The following DNAH14 variants were observed in gnomAD, a reference collection of about 807,000 sequenced individuals.
DNAH14 encodes the protein dynein axonemal heavy chain 14.
DNAH14 carries 478 observed loss-of-function variants against 520.9 expected under a neutral mutation model. The ratio of observed to expected loss-of-function variants is 0.92; its 90% CI spans 0.85 to 0.99. The LOEUF (loss-of-function observed/expected upper bound fraction) is 0.99. DNAH14 is among the 50% of genes least tolerant of loss of function. The probability of loss-of-function intolerance (pLI) is 0.00; values close to 1 mark genes in which losing one functional copy is unlikely to be tolerated. For synonymous variants in DNAH14, 1,581 were observed against 1,757.2 expected, an observed-to-expected ratio of 0.90 and a Z score of 2.51; for missense variants, 4,831 against 5,234.5, an observed-to-expected ratio of 0.92 and a Z score of 2.38.
At chr1:225,132,924 C>T (rs1402820263) in intron 27 of DNAH14, among the ~76,000 whole-genome samples, 4 of 152,032 alleles carry the variant, frequency 2.6e-5, no homozygotes, top group Admixed American at 6.6e-5. Flanking sequence ...TTCTGATTAG[C>T]GTGAGATGGT....
At chr1:225,095,850 A>T (rs2074917199) in intron 21 of DNAH14, among the ~76,000 whole-genome samples, 1 of 152,202 alleles carries the variant, frequency 6.6e-6, no homozygotes, top group African/African-American at 2.4e-5. Flanking sequence ...GATAGGAGGA[A>T]GTAATTCCAA....
At chr1:225,087,780 T>C (rs1362727791) in intron 21 of DNAH14, among the ~76,000 whole-genome samples, 1 of 152,180 alleles carries the variant, frequency 6.6e-6, no homozygotes, top group African/African-American at 2.4e-5. Flanking sequence ...CATAGATTTG[T>C]GGCAGGCCCC....
At chr1:225,375,966 T>C (rs1232391418) in intron 78 of DNAH14, among the ~76,000 whole-genome samples, 1 of 151,530 alleles carries the variant, frequency 6.6e-6, no homozygotes, top group Non-Finnish European at 1.5e-5. Flanking sequence ...TGTGCACTTG[T>C]AGTCCCAGCT....
In DNAH14 at chr1:225,240,594, G is replaced by T. The variant is rs527781122; in HGVS notation, c.6520G>T (p.Asp2174Tyr). 3.9e-6 allele frequency: 6 copies of T among 1,531,362 alleles called. No homozygotes were observed. Among genetic ancestry groups the T allele is most frequent in the South Asian group, 2.4e-5 (2 of 83,334 alleles). 94.9% of individuals were successfully genotyped at this position (1,531,362 alleles called of 1,614,324 possible). The change falls in exon 43 of 86, where the codon GAT becomes TAT. Residue 2174 changes from aspartate (D) to tyrosine (Y), a missense_variant and splice_region_variant. By Grantham distance (160) the Asp-to-Tyr change is radical. Coordinates refer to ENST00000682510, the MANE Select transcript of DNAH14 (RefSeq NM_001367479.1). ...TCCTTCCATACCTGTCTACCCCAGG[G>T]ATGAAAATACATGGTATCCAGAGAA... ...SVTFKDIEKR[D>Y]ENTWYPEKNP...
intron 43 of DNAH14, among the ~76,000 whole-genome samples, chr1:225,251,237 G>C (rs2092538307): frequency 6.6e-6 from 1 of 151,018 alleles, no homozygotes; most frequent in African/African-American, 2.4e-5. Flanking sequence ...GCAATAGCGT[G>C]ATCTCAGCTC....
intron 55 of DNAH14, among the ~76,000 whole-genome samples, chr1:225,298,708 C>A (rs2094070037): frequency 6.6e-6 from 1 of 152,098 alleles, no homozygotes; most frequent in African/African-American, 2.4e-5. Context: ...TGGCTCACAG[C>A]AGGAGTGAGG....
At chr1:225,398,840 T>C (rs1309883547) in intron 85 of DNAH14, among the ~76,000 whole-genome samples, 174 bp downstream of exon 85, 1 of 152,226 alleles carries the variant, frequency 6.6e-6, no homozygotes, top group Non-Finnish European at 1.5e-5. Context: ...GTAGATGCTA[T>C]ACTTACATCC....
At chr1:224,984,824 TC>T (rs1483500664) in intron 8 of DNAH14, among the ~76,000 whole-genome samples, 1 of 151,812 alleles carries the variant, frequency 6.6e-6, no homozygotes, top group Non-Finnish European at 1.5e-5. Context: ...AATAGAAAAT[TC>T]TCAAAATAAG....
Position 225,050,325 on chromosome 1 carries a change from A to C in DNAH14, c.2028A>C (p.Arg676Ser). The change falls in exon 16 of 86, where the codon AGA (arginine) becomes AGC (serine). Residue 676 changes from arginine to serine, a missense_variant. Arg to Ser is a moderately radical substitution (Grantham distance 110). Transcript: ENST00000682510. ...GSIIHYKEQT[R>S]WPDCHILFET... ...TAATACATTATAAAGAGCAGACCAG[A>C]TGGCCAGATTGTCACATCCTTTTTG... The C allele has an allele frequency of 6.5e-7, 1 of 1,547,794 alleles. No homozygotes were observed. The highest frequency in any genetic ancestry group is 8.7e-7 in the Non-Finnish European group (1 of 1,145,770).
At chr1:224,982,107 G>T (rs762482892) in intron 8 of DNAH14, among the ~76,000 whole-genome samples, 2 of 152,028 alleles carry the variant, frequency 1.3e-5, no homozygotes, top group Non-Finnish European at 2.9e-5. Context: ...TAGGGATATT[G>T]CCCCCTACTG....
rs1337154932 is a variant in DNAH14 at position 225,145,379 on chromosome 1, G to A, written c.4794G>A (p.Lys1598=). 5.2e-6 allele frequency: 8 copies of A among 1,543,790 alleles called. No homozygotes were observed. Among genetic ancestry groups the A allele is most frequent in the Non-Finnish European group, 7.0e-6 (8 of 1,143,456 alleles). Residue 1598 remains lysine (K), a splice_region_variant and synonymous_variant, in exon 30 of 86, where the codon AAG becomes AAA. Coordinates refer to ENST00000682510, the MANE Select transcript of DNAH14 (RefSeq NM_001367479.1). The part of the protein sequence containing the change: ...VFNCFEDLDY[K]IVRKFFFGLV... ...ACTGTTTTGAGGATTTGGATTATAA[G>A]GTAAACCTTAAACATATGTGTCAGG...
At chr1:225,204,423 G>T in intron 39 of DNAH14, 150 bp downstream of exon 39, 1 of 485,218 alleles carries the variant, frequency 2.1e-6, no homozygotes. Flanking sequence ...TTTAAAATTT[G>T]TGTAGTGTTA....
chr1:225,141,268 A>T (rs1332150882), intron 28 of DNAH14, among the ~76,000 whole-genome samples: 1 of 152,124 alleles, frequency 6.6e-6, no homozygotes, highest in Non-Finnish European at 1.5e-5. Flanking sequence ...TAAGATATTT[A>T]GAGAGACAGA....
Position 225,100,748 on chromosome 1 carries a change from T to C in DNAH14, c.3731T>C (p.Val1244Ala), listed in dbSNP as rs1299475955. 1.1e-5 allele frequency: 17 copies of C among 1,528,910 alleles called. No individual in the cohort carries two copies. The highest frequency in any genetic ancestry group is 1.5e-5 in the Non-Finnish European group (17 of 1,140,468). The allele number at this position is 1,528,910 out of a possible 1,614,324, so 94.7% of individuals were successfully genotyped here. A position where few individuals can be genotyped will look rare whatever the true frequency, so the allele number is the denominator to read the frequency against. ...LPAETELFSQ[V>A]ISMWKKIMSK... ...GCAGAAACAGAACTTTTCTCTCAAGTGATTTCCATGTGGAAAAAAATAATG... is the reference window on the plus strand; with the variant it reads ...GCAGAAACAGAACTTTTCTCTCAAGCGATTTCCATGTGGAAAAAAATAATG... The change falls in exon 23 of 86, where the codon GTG becomes GCG. Residue 1244 changes from valine (V) to alanine (A), a missense_variant. Physicochemically the swap from Val to Ala is moderately conservative, Grantham distance 64. Coordinates refer to ENST00000682510, the MANE Select transcript of DNAH14 (RefSeq NM_001367479.1).
intron 8 of DNAH14, among the ~76,000 whole-genome samples, chr1:224,993,009 T>C (rs1440341443): frequency 6.6e-6 from 1 of 152,154 alleles, no homozygotes; most frequent in Non-Finnish European, 1.5e-5. Flanking sequence ...ATCACATTTA[T>C]TGATTTGTGT....
At chr1:224,996,223 T>C (rs892167217) in intron 8 of DNAH14, among the ~76,000 whole-genome samples, 5 of 151,994 alleles carry the variant, frequency 3.3e-5, no homozygotes, top group Admixed American at 2.0e-4. Context: ...CCAGGCATGA[T>C]TGTGGTTCAC....
chr1:225,374,229 A>C (rs1352468937), intron 77 of DNAH14, among the ~76,000 whole-genome samples: 1 of 36,986 alleles, frequency 2.7e-5, no homozygotes, highest in Non-Finnish European at 5.6e-5. Flanking sequence ...AATGAAATAT[A>C]TATAATATAT....
intron 15 of DNAH14, among the ~76,000 whole-genome samples, chr1:225,047,937 A>G (rs2068112563): frequency 6.6e-6 from 1 of 152,192 alleles, no homozygotes; most frequent in Admixed American, 6.5e-5. Context: ...AAACTTATAT[A>G]AAGTACAATT....
chr1:225,141,283 A>T (rs1434176580), intron 28 of DNAH14, among the ~76,000 whole-genome samples: 1 of 152,142 alleles, frequency 6.6e-6, no homozygotes, highest in Non-Finnish European at 1.5e-5. Context: ...GACAGATCAC[A>T]TTCACATAAC....
Sources: allele counts gnomAD v4.1 joint callset (sites outside exome capture counted in the v4.1 genomes callset), GRCh38; gene constraint gnomAD v4.1.1; transcripts MANE v1.5; gene names NCBI Gene and HGNC (gene_info 2026-07-23, HGNC 2026-07-21).